ARHGEF38: variants seen among roughly 807,000 people sequenced by gnomAD.
ARHGEF38 encodes the protein Rho guanine nucleotide exchange factor (GEF) 38.
A neutral mutation model predicts 79.9 loss-of-function variants in ARHGEF38; 79 were observed. The observed-to-expected ratio is 0.99, with a 90% CI of 0.82 to 1.19. The LOEUF (loss-of-function observed/expected upper bound fraction) is 1.19. Among genes scored for constraint, ARHGEF38 ranks in the 50% most tolerant of loss-of-function variants. The pLI is 0.00. For synonymous variants in ARHGEF38, 366 were observed against 328.3 expected, an observed-to-expected ratio of 1.11 and a Z score of -1.24; for missense variants, 962 against 907.2, an observed-to-expected ratio of 1.06 and a Z score of -0.78.
chr4:105,679,878 C>T lies in ARHGEF38; in HGVS notation c.*1941C>T. Reference sequence around the variant, plus strand: ...ATCACCAGGTCAACTACAGGAATGTCCAAACCACGAGGAGCCACATTGGTT... The same window carrying T: ...ATCACCAGGTCAACTACAGGAATGTTCAAACCACGAGGAGCCACATTGGTT... On this transcript the variant is annotated 3_prime_UTR_variant, in exon 14 of 14. Coordinates refer to ENST00000420470, the MANE Select transcript of ARHGEF38 (RefSeq NM_001242729.2). The T allele has an allele frequency of 7.0e-7, 1 of 1,431,364 alleles. No homozygotes were observed. Among genetic ancestry groups the T allele is most frequent in the African/African-American group, 1.4e-5 (1 of 71,158 alleles). The allele number at this position is 1,431,364 out of a possible 1,614,324, so 88.7% of individuals were successfully genotyped here. A position where few individuals can be genotyped will look rare whatever the true frequency, so the allele number is the denominator to read the frequency against.
intron 9 of ARHGEF38, among the ~76,000 whole-genome samples, chr4:105,658,296 C>T (rs1730419633): frequency 6.6e-6 from 1 of 152,008 alleles, no homozygotes; most frequent in Admixed American, 6.6e-5. Context: ...GTAGTCCTAG[C>T]TATTCGGGAG....
intron 13 of ARHGEF38, among the ~76,000 whole-genome samples, chr4:105,670,430 T>C (rs1012675473): frequency 2.7e-4 from 41 of 152,198 alleles, no homozygotes; most frequent in African/African-American, 9.6e-4. Flanking sequence ...GCCATTCTTT[T>C]ATTTCCTTTG....
chr4:105,618,978 C>A (rs549199469), intron 3 of ARHGEF38, among the ~76,000 whole-genome samples: 1 of 152,026 alleles, frequency 6.6e-6, no homozygotes, highest in Non-Finnish European at 1.5e-5. Flanking sequence ...TTCTGTAAAT[C>A]AAAAATTAGT....
chr4:105,659,908 A>T (rs1488089629), intron 10 of ARHGEF38, among the ~76,000 whole-genome samples: 1 of 149,982 alleles, frequency 6.7e-6, no homozygotes, highest in Middle Eastern at 3.2e-3. Context: ...TCCCATTAGG[A>T]TATAATTTTA....
At chr4:105,627,798 A>T (rs574651422) in intron 3 of ARHGEF38, among the ~76,000 whole-genome samples, 1 of 152,250 alleles carries the variant, frequency 6.6e-6, no homozygotes, top group East Asian at 1.9e-4. Flanking sequence ...TGCAGCCGAG[A>T]GTTATGTTAC....
At chr4:105,618,569 T>A (rs564202627) in intron 3 of ARHGEF38, among the ~76,000 whole-genome samples, 1 of 152,052 alleles carries the variant, frequency 6.6e-6, no homozygotes, top group Non-Finnish European at 1.5e-5. Flanking sequence ...TCCAGTGAGC[T>A]GAGATCGTGC....
intron 11 of ARHGEF38, 125 bp from the exon 12 acceptor site, chr4:105,667,004 A>T: frequency 1.2e-6 from 1 of 852,602 alleles, no homozygotes; most frequent in Non-Finnish European, 1.8e-6. Flanking sequence ...CTGCACCTTG[A>T]AATAATCCTC....
In ARHGEF38 at chr4:105,659,379, CA is replaced by C. The variant is rs1252228939; in HGVS notation, c.1545+16del. 2 of 1,525,676 alleles carry C rather than the reference CA, an allele frequency of 1.3e-6. No homozygotes were observed. The highest frequency in any genetic ancestry group is 1.4e-5 in the African/African-American group (1 of 72,776). 94.5% of individuals were successfully genotyped at this position (1,525,676 alleles called of 1,614,324 possible). On this transcript the variant is annotated intron_variant, in intron 10 of 13. Transcript: ENST00000420470. ...ACACTTGTGCCGGTAAGCACAGCAC[CA>C]ACACCTAGCTAGCTACCTTGGCCTA...
chr4:105,573,177 G>A (rs1259628137), intron 1 of ARHGEF38, among the ~76,000 whole-genome samples: 8 of 151,962 alleles, frequency 5.3e-5, no homozygotes, highest in Non-Finnish European at 1.0e-4. Context: ...TTTCTCCTAT[G>A]CTGTAAACTG....
chr4:105,559,185 C>A (rs973190007), intron 1 of ARHGEF38, among the ~76,000 whole-genome samples: 1 of 152,094 alleles, frequency 6.6e-6, no homozygotes, highest in Non-Finnish European at 1.5e-5. Flanking sequence ...TAAGCAGTAT[C>A]GTTCTTAGAA....
intron 3 of ARHGEF38, among the ~76,000 whole-genome samples, chr4:105,627,525 G>A (rs1435315975): frequency 6.6e-6 from 1 of 152,178 alleles, no homozygotes; most frequent in East Asian, 1.9e-4. Context: ...TAACTAAGGG[G>A]ACTTAAAAGG....
intron 1 of ARHGEF38, chr4:105,561,466 A>AATGGAAT (rs1725581709): frequency 9.6e-6 from 1 of 103,648 alleles, no homozygotes; most frequent in South Asian, 3.5e-4. Flanking sequence ...AATAGAATAG[A>AATGGAAT]ATAGAATAGA....
chr4:105,580,144 C>T (rs1245634837), intron 1 of ARHGEF38, among the ~76,000 whole-genome samples: 1 of 151,888 alleles, frequency 6.6e-6, no homozygotes, highest in East Asian at 1.9e-4. Flanking sequence ...AGCAGTCTAT[C>T]TTATTAATTT....
intron 5 of ARHGEF38, among the ~76,000 whole-genome samples, chr4:105,637,463 G>C (rs1729444800): frequency 6.6e-6 from 1 of 152,030 alleles, no homozygotes; most frequent in South Asian, 2.1e-4. Flanking sequence ...AGTATAAACA[G>C]ATATGAGTAG....
Position 105,566,031 on chromosome 4 carries a change from C to T in ARHGEF38, c.196+13070C>T, listed in dbSNP as rs1269099177. ...CCACTTCACTACCCACAGGCTTCCT[C>T]CTCACCCTCCCCTCTCAAATCTAGT... On this transcript the variant is annotated intron_variant, in intron 1 of 13. Transcript: ENST00000420470. Among the ~76,000 whole-genome samples the T allele has an allele frequency of 1.3e-5, 2 of 152,164 alleles. 1 individual carries two copies. The highest frequency in any genetic ancestry group is 4.1e-4 in the South Asian group (2 of 4,832).
chr4:105,679,699 C>A lies in ARHGEF38; in HGVS notation c.*1762C>A. On this transcript the variant is annotated 3_prime_UTR_variant, in exon 14 of 14. Transcript: ENST00000420470. ...ATCCATTGTAGAAGGAACACCTACA[C>A]ATTTAAAAGTAATTTGTGTTTTTTG... 1.3e-6 allele frequency: 1 copy of A among 794,982 alleles called. No individual in the cohort carries two copies. The allele number at this position is 794,982 out of a possible 1,614,324, so 49.2% of individuals were successfully genotyped here.
At chr4:105,611,519 GTAT>G (rs1352528149) in intron 2 of ARHGEF38, among the ~76,000 whole-genome samples, 1 of 151,820 alleles carries the variant, frequency 6.6e-6, no homozygotes, top group East Asian at 1.9e-4. Flanking sequence ...TAATAATGAA[GTAT>G]TATTAAATGA....
intron 8 of ARHGEF38, 143 bp from the exon 9 acceptor site, chr4:105,655,460 C>T: frequency 1.2e-6 from 1 of 830,052 alleles, no homozygotes; most frequent in Non-Finnish European, 1.8e-6. Context: ...TTGTACAGAG[C>T]ATTTATAAAA....
At chr4:105,575,667 A>T (rs1726460534) in intron 1 of ARHGEF38, among the ~76,000 whole-genome samples, 1 of 151,844 alleles carries the variant, frequency 6.6e-6, no homozygotes, top group Non-Finnish European at 1.5e-5. Context: ...GGTCTCATTT[A>T]TTTATTTTTG....
Sources: gnomAD v4.1 joint callset for allele counts (sites outside exome capture counted in the v4.1 genomes callset) on GRCh38, gnomAD v4.1.1 for gene constraint, MANE v1.5 for transcripts, NCBI Gene and HGNC (gene_info 2026-07-23, HGNC 2026-07-21) for gene names.